Variants in IMPA2 observed in about 807,000 individuals in gnomAD.
The protein encoded by IMPA2 is inositol monophosphatase 2, also known as IMP 2.
IMPA2 carries 32 observed loss-of-function variants against 35.1 expected under a neutral mutation model. That is an observed-to-expected ratio of 0.91 (90% confidence interval 0.69 to 1.23). The LOEUF (loss-of-function observed/expected upper bound fraction) is 1.23, where lower values mean the gene tolerates loss of function less well. Ranked by LOEUF, IMPA2 falls within the 50% of genes most tolerant of loss-of-function variation. The pLI, the probability that IMPA2 is intolerant of heterozygous loss-of-function variation, is 0.00. For missense variants in IMPA2, 334 were observed against 387.6 expected (o/e 0.86, Z 1.16); for synonymous variants, 135 against 160.6 (o/e 0.84, Z 1.20).
chr18:12,013,986 C>A (rs1907505117), intron 4 of IMPA2, among the ~76,000 whole-genome samples: 1 of 152,168 alleles, frequency 6.6e-6, no homozygotes, highest in South Asian at 2.1e-4. Context: ...CTTCTGGTTA[C>A]TAATACTTGA....
At chr18:12,017,919 G>T (rs1907624743) in intron 5 of IMPA2, 2 of 208,938 alleles carry the variant, frequency 9.6e-6, no homozygotes, top group Non-Finnish European at 9.7e-6. Flanking sequence ...AGTCGATAAT[G>T]AGTTATACTG....
intron 5 of IMPA2, among the ~76,000 whole-genome samples, chr18:12,024,063 CA>C (rs1263515651): frequency 2.0e-5 from 3 of 152,026 alleles, no homozygotes; most frequent in Non-Finnish European, 4.4e-5. Context: ...GCATTGTTTA[CA>C]ATAAAAATGA....
intron 2 of IMPA2, among the ~76,000 whole-genome samples, chr18:12,004,289 AAG>A (rs1363150501): frequency 6.6e-6 from 1 of 152,314 alleles, no homozygotes; most frequent in African/African-American, 2.4e-5. Context: ...AAAAGAAAGA[AAG>A]AAAAAAGGGG....
intron 1 of IMPA2, among the ~76,000 whole-genome samples, chr18:11,987,842 A>G (rs953875861): frequency 2.0e-5 from 3 of 152,118 alleles, no homozygotes; most frequent in African/African-American, 4.8e-5. Flanking sequence ...TCCACCCTGC[A>G]GTGTGTGAGG....
chr18:12,010,750 C>T lies in IMPA2; in HGVS notation c.335+763C>T, dbSNP rs1198409839. Among the ~76,000 whole-genome samples, 4 of 152,178 alleles carry T rather than the reference C, an allele frequency of 2.6e-5. No individual in the cohort carries two copies. The highest frequency in any genetic ancestry group is 2.1e-4 in the South Asian group (1 of 4,832). On this transcript the variant is annotated intron_variant, in intron 3 of 7. Coordinates refer to ENST00000269159, the MANE Select transcript of IMPA2 (RefSeq NM_014214.3). The surrounding 1 kb of genome is among the most constrained non-coding windows in gnomAD (Gnocchi z 4.8). ...GCACGCCAGCACACTAGGCTGCACG[C>T]GCTAAGCAGGAAGGGTGAGCAGAGC... is the stretch of plus-strand genomic sequence containing the variant.
chr18:12,012,154 C>A lies in IMPA2; in HGVS notation c.336-16C>A. On this transcript the variant is annotated splice_polypyrimidine_tract_variant and intron_variant, in intron 3 of 7. Transcript: ENST00000269159. ...CTCTTGTTCCAGAGAGTAAACCTTTCTATTTTCCTTTGCAGATTCCCGACT... is the reference window on the plus strand; with the variant it reads ...CTCTTGTTCCAGAGAGTAAACCTTTATATTTTCCTTTGCAGATTCCCGACT... 1 of 1,613,886 alleles carries A rather than the reference C, an allele frequency of 6.2e-7. No individual in the cohort carries two copies. Among genetic ancestry groups the A allele is most frequent in the Non-Finnish European group, 8.5e-7 (1 of 1,179,712 alleles).
In IMPA2 at chr18:12,030,503, G is replaced by A. The variant is rs1307217707; in HGVS notation, c.*45G>A. On this transcript the variant is annotated 3_prime_UTR_variant, in exon 8 of 8. Coordinates refer to ENST00000269159, the MANE Select transcript of IMPA2 (RefSeq NM_014214.3). The stretch of plus-strand genomic sequence containing the variant: ...GCTCCCAAGGCCTCCCTGGGCTGCT[G>A]TGGGCTCCTGGGGAGGTGGCCCTCG... 6.6e-7 allele frequency: 1 copy of A among 1,517,804 alleles called. No homozygotes were observed. Among genetic ancestry groups the A allele is most frequent in the Admixed American group, 1.7e-5 (1 of 59,620 alleles). 94.0% of individuals were successfully genotyped at this position (1,517,804 alleles called of 1,614,324 possible). A position where few individuals can be genotyped will look rare whatever the true frequency, so the allele number is the denominator to read the frequency against.
intron 1 of IMPA2, among the ~76,000 whole-genome samples, chr18:11,992,023 T>C (rs1906829253): frequency 6.6e-6 from 1 of 152,174 alleles, no homozygotes; most frequent in South Asian, 2.1e-4. Flanking sequence ...TTTGTATTTT[T>C]AGTAGAGACA....
intron 1 of IMPA2, among the ~76,000 whole-genome samples, chr18:11,984,923 G>A (rs1304531990): frequency 1.3e-5 from 2 of 148,644 alleles, no homozygotes; most frequent in Admixed American, 6.7e-5. Flanking sequence ...AGTAGAGATC[G>A]TGCCACTGCA....
chr18:12,024,570 G>A (rs188129859), intron 5 of IMPA2, among the ~76,000 whole-genome samples: 77 of 152,320 alleles, frequency 5.1e-4, no homozygotes, highest in African/African-American at 1.7e-3. Context: ...TAGACAAGAT[G>A]TCACTGCCAC....
At chr18:12,016,605 G>A (rs1907586346) in intron 5 of IMPA2, among the ~76,000 whole-genome samples, 1 of 152,016 alleles carries the variant, frequency 6.6e-6, no homozygotes, top group Non-Finnish European at 1.5e-5. Flanking sequence ...TTTTAGTAGA[G>A]ACGGGGTTTC....
chr18:11,984,967 C>CAAA (rs34748642), intron 1 of IMPA2, among the ~76,000 whole-genome samples: 1 of 87,778 alleles, frequency 1.1e-5, no homozygotes, highest in Admixed American at 1.3e-4. Flanking sequence ...GACTCCGTCT[C>CAAA]AAAAAAAAAA....
At chr18:11,982,893 T>C (rs1405014108) in intron 1 of IMPA2, among the ~76,000 whole-genome samples, 3 of 152,152 alleles carry the variant, frequency 2.0e-5, no homozygotes, top group Admixed American at 6.5e-5. Context: ...GTTTTCTTTT[T>C]TGAGGTCTGA....
intron 5 of IMPA2, among the ~76,000 whole-genome samples, chr18:12,022,392 G>A (rs1042700923): frequency 2.0e-4 from 31 of 151,342 alleles, no homozygotes; most frequent in African/African-American, 6.6e-4. Flanking sequence ...AAAATTAGCC[G>A]CATGCCTGTA....
At chr18:12,008,950 C>G (rs768173994) in intron 2 of IMPA2, among the ~76,000 whole-genome samples, 1 of 152,138 alleles carries the variant, frequency 6.6e-6, no homozygotes, top group Non-Finnish European at 1.5e-5. Context: ...CCATGTCCCT[C>G]TAGCAGGAAT....
At chr18:12,029,104 TTC>T (rs938228266) in intron 7 of IMPA2, 111 bp downstream of exon 7, 11 of 814,932 alleles carry the variant, frequency 1.3e-5, no homozygotes, top group Non-Finnish European at 1.8e-5. Flanking sequence ...TCCCCAGAGT[TTC>T]TGTTTTTTTT....
At chr18:12,014,123 C>T (rs1194871209) in intron 4 of IMPA2, 142 bp from the exon 5 acceptor site, 4 of 649,714 alleles carry the variant, frequency 6.2e-6, no homozygotes, top group South Asian at 1.8e-5. Flanking sequence ...TTTCTCAGTT[C>T]CTTTTGGAAA....
At chr18:12,024,214 A>G (rs1327598684) in intron 5 of IMPA2, among the ~76,000 whole-genome samples, 1 of 152,192 alleles carries the variant, frequency 6.6e-6, no homozygotes, top group Non-Finnish European at 1.5e-5. Context: ...TGAGCAACAG[A>G]ATAAGCTATA....
chr18:11,996,667 G>A (rs1906966887), intron 1 of IMPA2, among the ~76,000 whole-genome samples: 1 of 152,086 alleles, frequency 6.6e-6, no homozygotes, highest in African/African-American at 2.4e-5. Context: ...CCCTGCATCA[G>A]GGTCACCATA....
Sources: allele counts gnomAD v4.1 joint callset (sites outside exome capture counted in the v4.1 genomes callset), GRCh38; gene constraint gnomAD v4.1.1; non-coding constraint Gnocchi (gnomAD v3.1); transcripts MANE v1.5; gene names NCBI Gene and HGNC (gene_info 2026-07-23, HGNC 2026-07-21).